Variants in HPSE2 observed in about 807,000 individuals in gnomAD.
The protein encoded by HPSE2 is heparanase 2 (inactive), also known as inactive heparanase-2.
Under a neutral mutation model 60.5 loss-of-function variants are expected in HPSE2, and 38 were observed. The observed-to-expected ratio is 0.63, with a 90% CI of 0.48 to 0.82. The LOEUF is 0.82. HPSE2 is among the 40% of genes least tolerant of loss of function. The probability of loss-of-function intolerance (pLI) is 0.00; values close to 1 mark genes in which losing one functional copy is unlikely to be tolerated. For missense variants in HPSE2, 713 were observed against 740.4 expected (o/e 0.96, Z 0.43); for synonymous variants, 295 against 293.2 (o/e 1.01, Z -0.06).
At chr10:98,888,330 A>C (rs1953231831) in intron 3 of HPSE2, among the ~76,000 whole-genome samples, 1 of 151,816 alleles carries the variant, frequency 6.6e-6, no homozygotes, top group African/African-American at 2.4e-5. Context: ...TCTTAGGGTC[A>C]CTATAAAGAA....
chr10:98,630,261 C>G (rs1397643952), intron 7 of HPSE2, among the ~76,000 whole-genome samples: 3 of 150,652 alleles, frequency 2.0e-5, no homozygotes, highest in East Asian at 2.0e-4. Flanking sequence ...GCAGTGGCGC[C>G]ATCTTGGCTC....
intron 2 of HPSE2, among the ~76,000 whole-genome samples, chr10:99,207,521 AT>A (rs1338484355): frequency 1.3e-5 from 2 of 152,224 alleles, no homozygotes; most frequent in African/African-American, 4.8e-5. Flanking sequence ...TGAATAATTT[AT>A]ATCTTTAGTA....
chr10:98,460,105 T>C (rs1564894118), intron 11 of HPSE2, among the ~76,000 whole-genome samples: 1 of 152,198 alleles, frequency 6.6e-6, no homozygotes, highest in Non-Finnish European at 1.5e-5. Flanking sequence ...GCTGGAATGT[T>C]TCATTCCTAT....
intron 3 of HPSE2, among the ~76,000 whole-genome samples, chr10:98,842,094 G>A (rs1177254546): frequency 1.3e-5 from 2 of 152,132 alleles, no homozygotes; most frequent in Non-Finnish European, 1.5e-5. Context: ...GCGTGCCACC[G>A]CACCCGGCCC....
At chr10:98,991,253 G>C (rs142000952) in intron 3 of HPSE2, among the ~76,000 whole-genome samples, 1 of 152,176 alleles carries the variant, frequency 6.6e-6, no homozygotes, top group South Asian at 2.1e-4. Flanking sequence ...AAAGGAGTTA[G>C]AAAGTGCTGA....
At chr10:98,587,680 A>C (rs890581629) in intron 9 of HPSE2, among the ~76,000 whole-genome samples, 1 of 152,158 alleles carries the variant, frequency 6.6e-6, no homozygotes, top group Non-Finnish European at 1.5e-5. Context: ...GATGAACTTC[A>C]GTTCACCCCT....
At chr10:98,739,857 A>G (rs914562494) in intron 4 of HPSE2, among the ~76,000 whole-genome samples, 5 of 152,174 alleles carry the variant, frequency 3.3e-5, no homozygotes, top group Admixed American at 6.6e-5. Flanking sequence ...GTATTACATT[A>G]TCTTAAGGTA....
chr10:99,262,023 A>G, the HPSE2 span, among the ~76,000 whole-genome samples: 1 of 152,254 alleles, frequency 6.6e-6, no homozygotes, highest in East Asian at 1.9e-4. Context: ...AGGCTCTCTG[A>G]CTGACTCCTT....
intron 2 of HPSE2, among the ~76,000 whole-genome samples, chr10:99,191,092 G>A (rs1848204137): frequency 6.6e-6 from 1 of 152,032 alleles, no homozygotes; most frequent in Non-Finnish European, 1.5e-5. Context: ...AGGTTTGGGT[G>A]CCAGCTCAGC....
At chr10:99,020,858 A>C (rs933049627) in intron 3 of HPSE2, among the ~76,000 whole-genome samples, 1 of 152,112 alleles carries the variant, frequency 6.6e-6, no homozygotes, top group African/African-American at 2.4e-5. Context: ...CATAAATACT[A>C]CCTGAAAATG....
the HPSE2 span, among the ~76,000 whole-genome samples, chr10:99,242,225 C>T: frequency 6.6e-6 from 1 of 152,180 alleles, no homozygotes. Context: ...TAATTGGCAG[C>T]TCTACTGACT....
intron 11 of HPSE2, among the ~76,000 whole-genome samples, chr10:98,467,137 C>CTTCAAGTCA (rs1940569995): frequency 1.3e-5 from 2 of 152,160 alleles, no homozygotes; most frequent in African/African-American, 4.8e-5. Context: ...CTTACTTGTC[C>CTTCAAGTCA]TTCAAGTCAG....
chr10:98,900,704 A>G (rs911677094), intron 3 of HPSE2, among the ~76,000 whole-genome samples: 2 of 152,186 alleles, frequency 1.3e-5, no homozygotes, highest in Admixed American at 6.6e-5. Flanking sequence ...AATACTAAAT[A>G]TTGATAATAT....
At chr10:98,649,395 CA>C (rs1198560791) in intron 6 of HPSE2, among the ~76,000 whole-genome samples, 2 of 152,136 alleles carry the variant, frequency 1.3e-5, no homozygotes. Flanking sequence ...AACTACAGCT[CA>C]CACGGTATTA....
intron 6 of HPSE2, among the ~76,000 whole-genome samples, chr10:98,644,677 C>T (rs1022859957): frequency 1.6e-4 from 25 of 152,184 alleles, no homozygotes; most frequent in African/African-American, 4.8e-4. Context: ...CTCTAATTGA[C>T]GAAAAGCTCT....
chr10:98,736,212 G>GT (rs546987845), intron 4 of HPSE2, among the ~76,000 whole-genome samples: 4 of 47,368 alleles, frequency 8.4e-5, no homozygotes, highest in Non-Finnish European at 2.7e-4. Flanking sequence ...CCTTTTGCTT[G>GT]GTTTTTTTTT....
chr10:98,604,281 A>C (rs1318357854), intron 9 of HPSE2, among the ~76,000 whole-genome samples: 1 of 149,846 alleles, frequency 6.7e-6, no homozygotes, highest in Non-Finnish European at 1.5e-5. Flanking sequence ...ATGCAAGCAG[A>C]GAGATGGATA....
intron 3 of HPSE2, among the ~76,000 whole-genome samples, chr10:98,824,437 A>C (rs1294046286): frequency 2.0e-5 from 3 of 152,106 alleles, no homozygotes; most frequent in African/African-American, 7.2e-5. Flanking sequence ...AACTCAGAAA[A>C]ATTTTTCTTC....
chr10:98,819,152 T>C (rs1256124869), intron 3 of HPSE2, among the ~76,000 whole-genome samples: 2 of 152,194 alleles, frequency 1.3e-5, no homozygotes, highest in Non-Finnish European at 2.9e-5. Flanking sequence ...CTATGTTCCT[T>C]ATAGACTGAG....
Sources: allele counts gnomAD v4.1 joint callset (sites outside exome capture counted in the v4.1 genomes callset), GRCh38; gene constraint gnomAD v4.1.1; transcripts MANE v1.5; gene names NCBI Gene and HGNC (gene_info 2026-07-23, HGNC 2026-07-21).